Variants in WHRN observed in about 807,000 individuals in gnomAD.
WHRN encodes CASK-interacting protein CIP98.
In WHRN, 41 loss-of-function variants were observed where a neutral mutation model predicts 68.3. The ratio of observed to expected loss-of-function variants is 0.60; its 90% CI spans 0.47 to 0.78. WHRN has a LOEUF of 0.78. WHRN is among the 30% of genes least tolerant of loss of function. The pLI, the probability that WHRN is intolerant of heterozygous loss-of-function variation, is 0.00. For missense variants in WHRN, 1,243 were observed against 1,244.7 expected (o/e 1.00, Z 0.02); for synonymous variants, 560 against 561.3 (o/e 1.00, Z 0.03).
chr9:114,411,265 C>T lies in WHRN; in HGVS notation c.1627-3247G>A, dbSNP rs371765192. Among the ~76,000 whole-genome samples the T allele has an allele frequency of 2.6e-5, 4 of 152,332 alleles. No homozygotes were observed. In the East Asian group the frequency reaches 5.8e-4, roughly 22 times the overall value. On this transcript the variant is annotated intron_variant, in intron 7 of 11. Transcript: ENST00000362057. Reference sequence around the variant, plus strand: ...TCCCTGGAAGTAGTCCAGCCAGGCGCGTTAAGGTGAACAGTGAGGCAGTGA... The same window carrying T: ...TCCCTGGAAGTAGTCCAGCCAGGCGTGTTAAGGTGAACAGTGAGGCAGTGA...
chr9:114,441,484 T>A (rs1838370171), intron 3 of WHRN, among the ~76,000 whole-genome samples: 1 of 152,194 alleles, frequency 6.6e-6, no homozygotes, highest in Non-Finnish European at 1.5e-5. Context: ...TTGAGAAATA[T>A]CATGGCCTAG....
At chr9:114,422,046 T>G (rs1353985378) in intron 7 of WHRN, among the ~76,000 whole-genome samples, 3 of 152,202 alleles carry the variant, frequency 2.0e-5, no homozygotes, top group Admixed American at 6.5e-5. Context: ...TGCATGCTCC[T>G]GGGCCATTTT....
chr9:114,494,084 T>C (rs1843243671), intron 1 of WHRN, among the ~76,000 whole-genome samples: 2 of 152,126 alleles, frequency 1.3e-5, no homozygotes, highest in Admixed American at 1.3e-4. Context: ...CTCTTCCAAT[T>C]CTCAGAGTCC....
At chr9:114,443,132 C>T (rs1392405386) in intron 3 of WHRN, among the ~76,000 whole-genome samples, 1 of 152,210 alleles carries the variant, frequency 6.6e-6, no homozygotes, top group African/African-American at 2.4e-5. Flanking sequence ...CGGCCAGCAC[C>T]AAACAATGGA....
chr9:114,416,304 G>C (rs1021979451), intron 7 of WHRN, among the ~76,000 whole-genome samples: 1 of 152,200 alleles, frequency 6.6e-6, no homozygotes, highest in Non-Finnish European at 1.5e-5. Context: ...TGAGTACAAG[G>C]CTGGCCTTGA....
intron 2 of WHRN, among the ~76,000 whole-genome samples, chr9:114,469,419 C>A (rs981325969): frequency 6.6e-6 from 1 of 152,230 alleles, no homozygotes; most frequent in Non-Finnish European, 1.5e-5. Context: ...CCACCCAGGA[C>A]GGGACACTGC....
At chr9:114,458,136 AGAG>A (rs1839962320) in intron 3 of WHRN, among the ~76,000 whole-genome samples, 1 of 152,180 alleles carries the variant, frequency 6.6e-6, no homozygotes, top group African/African-American at 2.4e-5. Context: ...GTTGTAGAAA[AGAG>A]AAATAATTTA....
chr9:114,461,189 G>A (rs909987979), intron 3 of WHRN, among the ~76,000 whole-genome samples: 7 of 152,154 alleles, frequency 4.6e-5, no homozygotes, highest in African/African-American at 1.7e-4. Flanking sequence ...GTTTCCGAAC[G>A]GAAATCACTT....
At chr9:114,460,429 T>C (rs1390151576) in intron 3 of WHRN, among the ~76,000 whole-genome samples, 1 of 152,232 alleles carries the variant, frequency 6.6e-6, no homozygotes, top group East Asian at 1.9e-4. Flanking sequence ...TAATAACTGG[T>C]TAATAAATGG....
At chr9:114,493,646 T>C (rs1320018922) in intron 1 of WHRN, among the ~76,000 whole-genome samples, 1 of 152,148 alleles carries the variant, frequency 6.6e-6, no homozygotes, top group African/African-American at 2.4e-5. Context: ...TCAGGGAATT[T>C]CCACAGACAA....
chr9:114,498,937 G>C (rs1843691135), intron 1 of WHRN, among the ~76,000 whole-genome samples: 1 of 152,262 alleles, frequency 6.6e-6, no homozygotes, highest in South Asian at 2.1e-4. Flanking sequence ...AGTCTCCCCT[G>C]TTCCCAACAG....
At chr9:114,432,511 TGGTGTGTG>T (rs1837510256) in intron 3 of WHRN, among the ~76,000 whole-genome samples, 1 of 152,234 alleles carries the variant, frequency 6.6e-6, no homozygotes, top group African/African-American at 2.4e-5. Flanking sequence ...AGTGGCCATC[TGGTGTGTG>T]TTTCTGAGCA....
chr9:114,483,134 C>T (rs1564211591), intron 1 of WHRN, among the ~76,000 whole-genome samples: 1 of 152,186 alleles, frequency 6.6e-6, no homozygotes. Flanking sequence ...TAAATATGGG[C>T]TTTTTCTGGG....
intron 1 of WHRN, 148 bp from the exon 2 acceptor site, chr9:114,478,919 C>G: frequency 1.3e-6 from 1 of 761,868 alleles, no homozygotes; most frequent in Non-Finnish European, 2.2e-6. Flanking sequence ...CTCTAGCCCT[C>G]GATTTTGTCC....
rs541992760 is a variant in WHRN at position 114,405,448 on chromosome 9, G to A, written c.2236+907C>T. Among the ~76,000 whole-genome samples the A allele has an allele frequency of 2.6e-5, 4 of 152,154 alleles. No homozygotes were observed. In the East Asian group the frequency reaches 5.8e-4, roughly 22 times the overall value. ...GATAATAATAGTACCAACCTCATAG[G>A]GCTACTGGGAGGATTAAATGAGTTA... On this transcript the variant is annotated intron_variant, in intron 9 of 11. Transcript: ENST00000362057.
chr9:114,415,651 G>C (rs566378648), intron 7 of WHRN, among the ~76,000 whole-genome samples: 3 of 152,332 alleles, frequency 2.0e-5, no homozygotes, highest in African/African-American at 7.2e-5. Flanking sequence ...GAGATGATTT[G>C]AGTTGAGGTA....
chr9:114,450,409 A>G (rs556397095), intron 3 of WHRN, among the ~76,000 whole-genome samples: 2 of 152,202 alleles, frequency 1.3e-5, no homozygotes, highest in African/African-American at 4.8e-5. Context: ...GCCTGGGAGG[A>G]AGGCCCCACT....
intron 2 of WHRN, among the ~76,000 whole-genome samples, chr9:114,475,778 C>T (rs1001193429): frequency 6.6e-6 from 1 of 152,132 alleles, no homozygotes; most frequent in Non-Finnish European, 1.5e-5. Flanking sequence ...TCAGCTCATG[C>T]CCCTTCCCAA....
At chr9:114,448,330 A>G (rs1390917989) in intron 3 of WHRN, among the ~76,000 whole-genome samples, 1 of 152,146 alleles carries the variant, frequency 6.6e-6, no homozygotes. Context: ...GGAACCAGCA[A>G]AAACTGGAAG....
Sources: allele counts gnomAD v4.1 joint callset (sites outside exome capture counted in the v4.1 genomes callset), GRCh38; gene constraint gnomAD v4.1.1; transcripts MANE v1.5; gene names NCBI Gene and HGNC (gene_info 2026-07-23, HGNC 2026-07-21).